KPNA4: variants seen among roughly 807,000 people sequenced by gnomAD.
The protein encoded by KPNA4 is karyopherin subunit alpha 4.
KPNA4 carries 13 observed loss-of-function variants against 71.3 expected under a neutral mutation model. The ratio of observed to expected loss-of-function variants is 0.18; its 90% CI spans 0.12 to 0.29. The LOEUF is 0.29. Among genes scored for constraint, KPNA4 ranks in the 10% least tolerant of loss-of-function variants. KPNA4 has a pLI of 1.00. For synonymous variants in KPNA4, 189 were observed against 195.2 expected (o/e 0.97, Z 0.26); for missense variants, 334 against 603.2 (o/e 0.55, Z 4.67).
intron 1 of KPNA4, among the ~76,000 whole-genome samples, chr3:160,553,394 ATTATCTC>A (rs1722078031): frequency 1.3e-5 from 2 of 152,204 alleles, no homozygotes; most frequent in Admixed American, 1.3e-4. Flanking sequence ...GCTCAGTCAG[ATTATCTC>A]TTAGTAATTT....
rs1421471586 is a variant in KPNA4 at position 160,535,900 on chromosome 3, T to A, written c.115-3A>T. 23 of 325,362 alleles carry A rather than the reference T, an allele frequency of 7.1e-5. No homozygotes were observed. Among genetic ancestry groups the A allele is most frequent in the Admixed American group, 2.6e-4 (2 of 7,670 alleles). 20.2% of individuals were successfully genotyped at this position (325,362 alleles called of 1,614,324 possible). The stretch of plus-strand genomic sequence containing the variant: ...AAGAGATGTTCATCTCTTTTATTCT[T>A]AAAAAAAAAAAAAAAAAAAAAAAAA... On this transcript the variant is annotated splice_region_variant and splice_polypyrimidine_tract_variant and intron_variant, in intron 2 of 16. Coordinates refer to ENST00000334256, the MANE Select transcript of KPNA4 (RefSeq NM_002268.5).
At chr3:160,534,386 T>A (rs1321749549) in intron 5 of KPNA4, among the ~76,000 whole-genome samples, 1 of 152,148 alleles carries the variant, frequency 6.6e-6, no homozygotes, top group East Asian at 1.9e-4. Flanking sequence ...TTTTTCTGCC[T>A]CTTCCCTTAA....
intron 10 of KPNA4, among the ~76,000 whole-genome samples, chr3:160,522,617 CTGGCTAAGTT>C (rs1389631449): frequency 6.6e-6 from 1 of 152,212 alleles, no homozygotes; most frequent in African/African-American, 2.4e-5. Flanking sequence ...GCCGCAACGC[CTGGCTAAGTT>C]TTGGCATTTT....
intron 7 of KPNA4, among the ~76,000 whole-genome samples, chr3:160,529,317 T>C (rs916568424): frequency 6.6e-6 from 1 of 152,102 alleles, no homozygotes; most frequent in East Asian, 1.9e-4. Flanking sequence ...TTCTAATCTT[T>C]AGAGAGCATA....
intron 15 of KPNA4, among the ~76,000 whole-genome samples, chr3:160,507,120 C>T (rs1720999116): frequency 6.6e-6 from 1 of 152,132 alleles, no homozygotes; most frequent in Non-Finnish European, 1.5e-5. Context: ...GTATTGTTTA[C>T]ATTCCAGGAG....
chr3:160,530,060 G>A (rs543550959), intron 7 of KPNA4, among the ~76,000 whole-genome samples: 91 of 151,050 alleles, frequency 6.0e-4, no homozygotes, highest in Middle Eastern at 6.8e-3. Flanking sequence ...GCATGAACCC[G>A]GGAGGTGGAG....
intron 1 of KPNA4, among the ~76,000 whole-genome samples, chr3:160,559,690 T>C (rs1722205812): frequency 6.6e-6 from 1 of 152,138 alleles, no homozygotes; most frequent in South Asian, 2.1e-4. Context: ...GAAAAGCCTA[T>C]GAAAACATAA....
intron 13 of KPNA4, 68 bp from the exon 14 acceptor site, chr3:160,509,939 T>A: frequency 1.0e-6 from 1 of 983,080 alleles, no homozygotes; most frequent in Non-Finnish European, 1.6e-6. Flanking sequence ...ATGTTTGCTG[T>A]GATGATTTTT....
In KPNA4 at chr3:160,502,022, G is replaced by GTATA. The variant is rs113978211; in HGVS notation, c.*78_*81dup. On this transcript the variant is annotated 3_prime_UTR_variant, in exon 17 of 17. Transcript: ENST00000334256. ...ATGGATCAAACCTTTTTATATATAT[G>GTATA]TATATATATATATATATACACACAC... 3.3e-4 allele frequency: 110 copies of GTATA among 331,932 alleles called. No homozygotes were observed. The highest frequency in any genetic ancestry group is 1.7e-3 in the African/African-American group (72 of 42,840). The allele number at this position is 331,932 out of a possible 1,614,324, so 20.6% of individuals were successfully genotyped here. A position where few individuals can be genotyped will look rare whatever the true frequency, so the allele number is the denominator to read the frequency against.
chr3:160,530,751 A>C (rs1721558037), intron 7 of KPNA4, 104 bp downstream of exon 7: 2 of 736,166 alleles, frequency 2.7e-6, no homozygotes, highest in Non-Finnish European at 4.6e-6. Context: ...CGTAGTAGCT[A>C]TTATTTTATA....
At chr3:160,520,121 A>C (rs898893920) in intron 11 of KPNA4, among the ~76,000 whole-genome samples, 6 of 152,202 alleles carry the variant, frequency 3.9e-5, no homozygotes, top group African/African-American at 2.4e-5. Flanking sequence ...GAAAAACAAA[A>C]AACAAAATAC....
chr3:160,534,718 G>GGAAAAAAAAA (rs1553786925), intron 5 of KPNA4, among the ~76,000 whole-genome samples: 1 of 73,138 alleles, frequency 1.4e-5, no homozygotes, highest in African/African-American at 5.3e-5. Flanking sequence ...CTCCATCTCA[G>GGAAAAAAAAA]AAAAAAAAAA....
At chr3:160,541,645 A>AGG (rs773576035) in intron 1 of KPNA4, among the ~76,000 whole-genome samples, 1 of 124,042 alleles carries the variant, frequency 8.1e-6, no homozygotes, top group Admixed American at 8.4e-5. Context: ...AAAGTTATAT[A>AGG]CGCGCACACA....
At chr3:160,515,388 T>C in intron 12 of KPNA4, 64 bp downstream of exon 12, 1 of 1,388,266 alleles carries the variant, frequency 7.2e-7, no homozygotes, top group Non-Finnish European at 9.9e-7. Flanking sequence ...AGACTCTAAT[T>C]TTACAAATAG....
At chr3:160,534,620 A>C (rs1305140257) in intron 5 of KPNA4, among the ~76,000 whole-genome samples, 1 of 146,632 alleles carries the variant, frequency 6.8e-6, no homozygotes, top group Non-Finnish European at 1.5e-5. Flanking sequence ...TGGGAGGCTG[A>C]GGCAGAGAAA....
intron 1 of KPNA4, among the ~76,000 whole-genome samples, chr3:160,538,794 T>C (rs1046926441): frequency 1.3e-5 from 2 of 152,136 alleles, no homozygotes; most frequent in Non-Finnish European, 2.9e-5. Flanking sequence ...GTAAAGTCTC[T>C]TGTAGCAAGG....
intron 13 of KPNA4, among the ~76,000 whole-genome samples, chr3:160,511,818 A>T (rs1721100757): frequency 6.6e-6 from 1 of 151,592 alleles, no homozygotes; most frequent in Admixed American, 6.6e-5. Context: ...TGTACTTAAA[A>T]ATAATGTATA....
At position 160,536,862 on chromosome 3, in the gene KPNA4, A is replaced by G. The variant is rs1721703598; in HGVS notation, c.70-22T>C. The G allele has an allele frequency of 2.1e-6, 3 of 1,421,786 alleles. No homozygotes were observed. In the African/African-American group the frequency reaches 4.2e-5, roughly 20 times the overall value. The allele number at this position is 1,421,786 out of a possible 1,614,324, so 88.1% of individuals were successfully genotyped here. A position where few individuals can be genotyped will look rare whatever the true frequency, so the allele number is the denominator to read the frequency against. On this transcript the variant is annotated intron_variant, in intron 1 of 16. Coordinates refer to ENST00000334256, the MANE Select transcript of KPNA4 (RefSeq NM_002268.5). Reference sequence around the variant, plus strand: ...TAGTCTACAAAAAAATTAAAGGAAAATATTTTTAAAATCACCTCAAATTCC... The same window carrying G: ...TAGTCTACAAAAAAATTAAAGGAAAGTATTTTTAAAATCACCTCAAATTCC...
chr3:160,522,916 T>C (rs763188033), intron 10 of KPNA4, among the ~76,000 whole-genome samples: 4 of 151,742 alleles, frequency 2.6e-5, no homozygotes, highest in Non-Finnish European at 4.4e-5. Context: ...AATCAACTTC[T>C]ACTAAGTAGC....
Sources: gnomAD v4.1 joint callset for allele counts (sites outside exome capture counted in the v4.1 genomes callset) on GRCh38, gnomAD v4.1.1 for gene constraint, MANE v1.5 for transcripts, NCBI Gene and HGNC (gene_info 2026-07-23, HGNC 2026-07-21) for gene names.